PATJ: variants seen among roughly 807,000 people sequenced by gnomAD.
PATJ encodes the protein PATJ crumbs cell polarity complex component.
A neutral mutation model predicts 224.9 loss-of-function variants in PATJ; 190 were observed. The observed-to-expected ratio is 0.84, with a 90% CI of 0.75 to 0.95. The LOEUF is 0.95. PATJ is among the 40% of genes least tolerant of loss of function. PATJ has a pLI of 0.00. For missense variants in PATJ, 2,121 were observed against 2,270.3 expected (o/e 0.93, Z 1.34); for synonymous variants, 769 against 820.3 (o/e 0.94, Z 1.07).
At chr1:62,138,042 T>G (rs930059980) in intron 41 of PATJ, among the ~76,000 whole-genome samples, 13 of 152,152 alleles carry the variant, frequency 8.5e-5, no homozygotes, top group African/African-American at 3.1e-4. Flanking sequence ...TTCTCTTCCT[T>G]CAGACCAGGG....
In PATJ at chr1:62,128,854, T is replaced by C. The variant is rs773248178; in HGVS notation, c.5180T>C (p.Ile1727Thr). Residue 1727 changes from isoleucine (I) to threonine (T), a missense_variant, in exon 41 of 44, where the codon ATT becomes ACT. Coordinates refer to ENST00000642238, the MANE Select transcript of PATJ (RefSeq NM_001350145.3). Reference protein sequence around the residue: ...RTQKLKVGDRIVSINGQPLDG... With the variant: ...RTQKLKVGDRTVSINGQPLDG... ...TTGTACTTCCAGGTTGGAGATCGGA[T>C]TGTCAGCATTAACGGGCAACCTTTG... 3.7e-6 allele frequency: 6 copies of C among 1,610,700 alleles called. No homozygotes were observed. Among genetic ancestry groups the C allele is most frequent in the Non-Finnish European group, 5.1e-6 (6 of 1,176,972 alleles).
intron 22 of PATJ, among the ~76,000 whole-genome samples, chr1:61,890,148 T>C (rs904410550): frequency 6.6e-6 from 1 of 152,172 alleles, no homozygotes; most frequent in African/African-American, 2.4e-5. Flanking sequence ...ATCTATCTTT[T>C]GTCACCCGTA....
At chr1:61,915,403 T>C (rs908771849) in intron 26 of PATJ, among the ~76,000 whole-genome samples, 10 of 152,218 alleles carry the variant, frequency 6.6e-5, no homozygotes, top group African/African-American at 2.4e-4. Flanking sequence ...TATTAAAGCC[T>C]AGTAATCAAT....
intron 27 of PATJ, among the ~76,000 whole-genome samples, chr1:61,953,982 G>A (rs112927165): frequency 0.02 from 3,092 of 152,194 alleles, 74 homozygotes; most frequent in African/African-American, 0.053. Context: ...CTAGTCATTA[G>A]GAATTTATGT....
chr1:62,027,773 G>C (rs1202227300), intron 29 of PATJ, among the ~76,000 whole-genome samples: 3 of 150,376 alleles, frequency 2.0e-5, no homozygotes. Flanking sequence ...TTGGCTTTTT[G>C]TGTGTTTTCT....
intron 27 of PATJ, among the ~76,000 whole-genome samples, chr1:61,955,484 T>C (rs1680317246): frequency 6.6e-6 from 1 of 152,108 alleles, no homozygotes; most frequent in Non-Finnish European, 1.5e-5. Flanking sequence ...CAAGCCTGGC[T>C]TGTAGGAGGG....
At chr1:61,864,155 A>G (rs1051110227) in intron 19 of PATJ, 83 bp from the exon 20 acceptor site, 1 of 1,204,436 alleles carries the variant, frequency 8.3e-7, no homozygotes, top group African/African-American at 1.5e-5. Flanking sequence ...TCACGCCAGC[A>G]TTTGAAAATT....
intron 32 of PATJ, among the ~76,000 whole-genome samples, chr1:62,083,342 G>A (rs551732662): frequency 2.6e-5 from 4 of 152,068 alleles, no homozygotes; most frequent in Admixed American, 6.6e-5. Flanking sequence ...GGCTGGTCTC[G>A]AACTCCTGAC....
intron 27 of PATJ, among the ~76,000 whole-genome samples, chr1:61,963,761 A>G (rs528630172): frequency 9.7e-4 from 148 of 152,232 alleles, no homozygotes; most frequent in Middle Eastern, 3.4e-3. Flanking sequence ...GAGATGGAAG[A>G]AATTTTGCAT....
At chr1:62,082,596 G>A (rs1264400315) in intron 32 of PATJ, among the ~76,000 whole-genome samples, 1 of 151,960 alleles carries the variant, frequency 6.6e-6, no homozygotes, top group Non-Finnish European at 1.5e-5. Context: ...GAAGTAGATT[G>A]TAAATATTTT....
rs1438467529 is a variant in PATJ at position 61,965,384 on chromosome 1, C to T, written c.3671-24784C>T. Among the ~76,000 whole-genome samples, 5 of 152,020 alleles carry T rather than the reference C, an allele frequency of 3.3e-5. No homozygotes were observed. The East Asian group carries it at 9.6e-4, about 29-fold the overall frequency. On this transcript the variant is annotated intron_variant, in intron 27 of 43. Transcript: ENST00000642238. ...TTCATTTGAATATGGTAATTAGGGT[C>T]AGTAGATGTTATTTGCATTTGAATA...
chr1:62,002,706 TCTCAAAA>T, intron 28 of PATJ, among the ~76,000 whole-genome samples: 1 of 91,950 alleles, frequency 1.1e-5, no homozygotes. Context: ...CGAAACTCTG[TCTCAAAA>T]AAAAAAAAAA....
intron 27 of PATJ, among the ~76,000 whole-genome samples, chr1:61,971,172 T>G (rs1682918996): frequency 6.6e-6 from 1 of 152,208 alleles, no homozygotes; most frequent in Admixed American, 6.5e-5. Flanking sequence ...TGGACTAAGT[T>G]AAGTGAACTG....
At chr1:61,990,450 G>T in intron 28 of PATJ, 86 bp downstream of exon 28, 1 of 759,086 alleles carries the variant, frequency 1.3e-6, no homozygotes. Context: ...TGAAAGGGAA[G>T]AATGATGTCA....
intron 35 of PATJ, among the ~76,000 whole-genome samples, chr1:62,116,046 G>A (rs1664414771): frequency 6.6e-6 from 1 of 152,136 alleles, no homozygotes; most frequent in Non-Finnish European, 1.5e-5. Context: ...TATACCTGGT[G>A]CGGTTTTATT....
chr1:62,154,589 A>T (rs1161697332), intron 43 of PATJ, among the ~76,000 whole-genome samples: 1 of 148,828 alleles, frequency 6.7e-6, no homozygotes, highest in East Asian at 2.0e-4. Context: ...TAAATCTGGG[A>T]GGCAGAGGTT....
chr1:61,799,334 A>G (rs759590420), intron 11 of PATJ, among the ~76,000 whole-genome samples: 1 of 152,112 alleles, frequency 6.6e-6, no homozygotes, highest in African/African-American at 2.4e-5. Context: ...CTGGAATTAC[A>G]GGCGCTGCCC....
chr1:62,057,250 CAAT>C (rs1347608965), intron 31 of PATJ, among the ~76,000 whole-genome samples: 2 of 152,058 alleles, frequency 1.3e-5, no homozygotes, highest in Non-Finnish European at 2.9e-5. Context: ...GAGAAGCTGA[CAAT>C]AATTGGGAAT....
intron 24 of PATJ, among the ~76,000 whole-genome samples, chr1:61,904,369 T>C (rs1349458159): frequency 6.6e-6 from 1 of 152,230 alleles, no homozygotes; most frequent in African/African-American, 2.4e-5. Context: ...CCAATTTTAA[T>C]ATCTTATACA....
Sources: gnomAD v4.1 joint callset for allele counts (sites outside exome capture counted in the v4.1 genomes callset) on GRCh38, gnomAD v4.1.1 for gene constraint, MANE v1.5 for transcripts, NCBI Gene and HGNC (gene_info 2026-07-23, HGNC 2026-07-21) for gene names.